Variants in SLC12A7 observed in about 807,000 individuals in gnomAD.
SLC12A7 encodes the protein solute carrier family 12 member 7, also known as K-Cl cotransporter 4.
Under a neutral mutation model 120.6 loss-of-function variants are expected in SLC12A7, and 100 were observed. The observed-to-expected ratio is 0.83, with a 90% CI of 0.71 to 0.98. The LOEUF is 0.98. Among genes scored for constraint, SLC12A7 ranks in the 50% least tolerant of loss-of-function variants. The pLI, the probability that SLC12A7 is intolerant of heterozygous loss-of-function variation, is 0.00. For missense variants in SLC12A7, 1,373 were observed against 1,548.1 expected, an observed-to-expected ratio of 0.89 and a Z score of 1.90; for synonymous variants, 760 against 678.0, an observed-to-expected ratio of 1.12 and a Z score of -1.88.
Position 1,053,437 on chromosome 5 carries a change from A to T in SLC12A7, c.3072T>A (p.Asn1024Lys). Residue 1024 changes from asparagine (N) to lysine (K), a missense_variant, in exon 23 of 24, where the codon AAT (asparagine) becomes AAA (lysine). By Grantham distance (94) the Asn-to-Lys change is moderately conservative (BLOSUM62 0). Coordinates refer to ENST00000264930, the MANE Select transcript of SLC12A7 (RefSeq NM_006598.3). ...VRRMHTAVKLNGVVLNKSQDA... is the reference protein window; with the variant it reads ...VRRMHTAVKLKGVVLNKSQDA... ...CCTGGGACTTGTTGAGGACGACGCC[A>T]TTGAGCTTCACAGCCGTGTGCATCC... The T allele has an allele frequency of 6.2e-7, 1 of 1,613,874 alleles. No homozygotes were observed. The highest frequency in any genetic ancestry group is 8.5e-7 in the Non-Finnish European group (1 of 1,180,004).
chr5:1,143,580 G>A, the SLC12A7 span, among the ~76,000 whole-genome samples: 2 of 152,176 alleles, frequency 1.3e-5, no homozygotes, highest in South Asian at 4.1e-4. Context: ...GTTGGGGCTG[G>A]GCCTCAGCTG....
chr5:1,128,381 A>G, the SLC12A7 span, among the ~76,000 whole-genome samples: 1 of 152,242 alleles, frequency 6.6e-6, no homozygotes, highest in East Asian at 1.9e-4. Flanking sequence ...CCAGACTCAG[A>G]CAAACAAAAG....
At chr5:1,105,954 C>A (rs970538790) in intron 1 of SLC12A7, among the ~76,000 whole-genome samples, 4 of 152,210 alleles carry the variant, frequency 2.6e-5, no homozygotes, top group Non-Finnish European at 5.9e-5. Context: ...AAGGCCCTGG[C>A]GGGCCTCACA....
At chr5:1,079,349 TC>T (rs1738737716) in intron 10 of SLC12A7, 48 bp downstream of exon 10, 6 of 1,444,342 alleles carry the variant, frequency 4.2e-6, no homozygotes, top group Non-Finnish European at 5.8e-6. Context: ...CATGGGGGCC[TC>T]CCCCCAGGCA....
chr5:1,091,453 C>T (rs760998607), intron 3 of SLC12A7, among the ~76,000 whole-genome samples: 15 of 152,122 alleles, frequency 9.9e-5, no homozygotes, highest in Non-Finnish European at 1.5e-4. Flanking sequence ...GGACCAGGCC[C>T]GTGGGAAGAC....
chr5:1,057,712 C>G, intron 21 of SLC12A7, 63 bp from the exon 22 acceptor site: 1 of 1,484,228 alleles, frequency 6.7e-7, no homozygotes, highest in Non-Finnish European at 9.0e-7. Context: ...GAGAGCGACC[C>G]GGGATGCCAG....
intron 18 of SLC12A7, 126 bp downstream of exon 18, chr5:1,065,157 C>A (rs578155963): frequency 1.2e-5 from 9 of 754,750 alleles, no homozygotes; most frequent in Non-Finnish European, 1.2e-5. Context: ...ACAGTGGGGA[C>A]GAAAAGGGGA....
At chr5:1,138,159 T>C in the SLC12A7 span, among the ~76,000 whole-genome samples, 47,929 of 151,926 alleles carry the variant, frequency 0.32, 7,811 homozygotes, top group South Asian at 0.39. Flanking sequence ...ACCCAAAGAG[T>C]GAGCAGCAGC....
upstream of SLC12A7, among the ~76,000 whole-genome samples, chr5:1,113,010 G>A (rs563127272): frequency 1.3e-5 from 2 of 152,194 alleles, no homozygotes; most frequent in East Asian, 3.9e-4. Flanking sequence ...ACAGGGTGAT[G>A]CAGGGAAGGT....
chr5:1,093,515 C>T lies in SLC12A7; in HGVS notation c.342+18G>A, dbSNP rs368993373. 39 of 1,585,428 alleles carry T rather than the reference C, an allele frequency of 2.5e-5. No homozygotes were observed. The highest frequency in any genetic ancestry group is 6.7e-5 in the African/African-American group (5 of 74,698). ...ACACGGGGCGGGGACTGGGCGGGCA[C>T]GGGCAGGGTGGCAGTACCTTGGCCT... On this transcript the variant is annotated intron_variant, in intron 3 of 23. Transcript: ENST00000264930.
rs923293582 is a variant in SLC12A7 at position 1,050,593 on chromosome 5, G to A, written c.*1767C>T. ...GTGGTTTCGTGTGCAGAACTGAGCG[G>A]CCCTCAGAAGCAGGGCTGTTTTCCA... On this transcript the variant is annotated 3_prime_UTR_variant, in exon 24 of 24. Coordinates refer to ENST00000264930, the MANE Select transcript of SLC12A7 (RefSeq NM_006598.3). 3.7e-5 allele frequency: 13 copies of A among 347,684 alleles called. No homozygotes were observed. The highest frequency in any genetic ancestry group is 6.2e-5 in the Non-Finnish European group (12 of 194,558). The allele number at this position is 347,684 out of a possible 1,614,324, so 21.5% of individuals were successfully genotyped here. A position where few individuals can be genotyped will look rare whatever the true frequency, so the allele number is the denominator to read the frequency against.
At chr5:1,115,951 C>G (rs6554618), upstream of SLC12A7, among the ~76,000 whole-genome samples, 1 of 150,690 alleles carries the variant, frequency 6.6e-6, no homozygotes, top group African/African-American at 2.5e-5. Context: ...TTTTTTTAAG[C>G]GTGGTGAGCC....
chr5:1,079,822 C>T (rs1000423081), intron 9 of SLC12A7, among the ~76,000 whole-genome samples: 11 of 152,136 alleles, frequency 7.2e-5, no homozygotes, highest in African/African-American at 2.2e-4. Context: ...AGCCCAGAGA[C>T]GGTGCTGAGC....
chr5:1,077,810 C>T, intron 12 of SLC12A7, 23 bp downstream of exon 12: 3 of 1,549,838 alleles, frequency 1.9e-6, no homozygotes, highest in Non-Finnish European at 2.6e-6. Flanking sequence ...CCAGGGTCCC[C>T]CCGACGAGGG....
At chr5:1,116,211 C>T (rs1205140884), upstream of SLC12A7, among the ~76,000 whole-genome samples, 1 of 152,168 alleles carries the variant, frequency 6.6e-6, no homozygotes, top group African/African-American at 2.4e-5. Flanking sequence ...AAGAAGCAGC[C>T]CTGTCCCAAG....
At chr5:1,140,611 G>C in the SLC12A7 span, among the ~76,000 whole-genome samples, 29 of 152,348 alleles carry the variant, frequency 1.9e-4, no homozygotes, top group African/African-American at 6.3e-4. Context: ...AGCAATCCCG[G>C]AGTTCCCCGT....
At chr5:1,074,093 A>AGACAGGTGG in intron 16 of SLC12A7, among the ~76,000 whole-genome samples, 1 of 152,272 alleles carries the variant, frequency 6.6e-6, no homozygotes, top group East Asian at 1.9e-4. Flanking sequence ...CAGGTAGGTT[A>AGACAGGTGG]GACAGGTGGG....
At position 1,057,535 on chromosome 5, in the gene SLC12A7, C is replaced by T. The variant is rs374026955; in HGVS notation, c.2962G>A (p.Ala988Thr). Residue 988 changes from alanine (A) to threonine (T), a missense_variant, in exon 22 of 24, where the codon GCT becomes ACT. By Grantham distance (58) the Ala-to-Thr change is moderately conservative. Transcript: ENST00000264930. Reference protein sequence around the residue: ...QMTWTREKLIAEKYRSRDTSL... With the variant: ...QMTWTREKLITEKYRSRDTSL... ...GTGTCTCTGCTCCTGTACTTCTCAGCGATCAGCTTCTCCCTGGTCCAGGTC... is the reference window on the plus strand; with the variant it reads ...GTGTCTCTGCTCCTGTACTTCTCAGTGATCAGCTTCTCCCTGGTCCAGGTC... 2.7e-5 allele frequency: 43 copies of T among 1,613,228 alleles called. No homozygotes were observed. Among genetic ancestry groups the T allele is most frequent in the Non-Finnish European group, 3.5e-5 (41 of 1,179,980 alleles).
Position 1,060,670 on chromosome 5 carries a change from G to C in SLC12A7, c.2740-219C>G, listed in dbSNP as rs371340440. Among the ~76,000 whole-genome samples the C allele has an allele frequency of 7.9e-5, 12 of 152,262 alleles. 2 individuals carry two copies. Among genetic ancestry groups the C allele is most frequent in the Middle Eastern group, 6.8e-3 (2 of 294 alleles). ...CACGCCGCACACACGCTCTGCTCAT[G>C]TCCCTCCCCGGGACCCTCCGACCGG... is the stretch of plus-strand genomic sequence containing the variant. On this transcript the variant is annotated intron_variant, in intron 20 of 23. Transcript: ENST00000264930.
Sources: gnomAD v4.1 joint callset for allele counts (sites outside exome capture counted in the v4.1 genomes callset) on GRCh38, gnomAD v4.1.1 for gene constraint, MANE v1.5 for transcripts, NCBI Gene and HGNC (gene_info 2026-07-23, HGNC 2026-07-21) for gene names.